The following ACRBP variants were observed in gnomAD, a reference collection of about 807,000 sequenced individuals.
ACRBP encodes the protein acrosin-binding protein.
ACRBP carries 52 observed loss-of-function variants against 69.0 expected under a neutral mutation model. That is an observed-to-expected ratio of 0.75 (90% confidence interval 0.60 to 0.95). The LOEUF is 0.95. Among genes scored for constraint, ACRBP ranks in the 40% least tolerant of loss-of-function variants. The probability of loss-of-function intolerance (pLI) is 0.00; values close to 1 mark genes in which losing one functional copy is unlikely to be tolerated. For missense variants in ACRBP, 604 were observed against 673.0 expected (o/e 0.90, Z 1.13); for synonymous variants, 267 against 258.9 (o/e 1.03, Z -0.30).
At chr12:6,647,249 C>G in intron 1 of ACRBP, 75 bp downstream of exon 1, 7 of 1,487,152 alleles carry the variant, frequency 4.7e-6, no homozygotes, top group Non-Finnish European at 6.3e-6. Context: ...GATCCAGAAA[C>G]CGTAAAAGCA....
At position 6,643,675 on chromosome 12, in the gene ACRBP, C is replaced by G. The variant is rs1565392364; in HGVS notation, c.945-4G>C. 2 of 1,613,672 alleles carry G rather than the reference C, an allele frequency of 1.2e-6. No homozygotes were observed. The highest frequency in any genetic ancestry group is 2.2e-5 in the South Asian group (2 of 91,074). On this transcript the variant is annotated splice_polypyrimidine_tract_variant and splice_region_variant and intron_variant, in intron 5 of 9. Transcript: ENST00000229243. ...TGTGTGGGGCAGCTGCAGGAGGCTGCAAGAAGACAGCACTGAGGGTGGGGC... is the reference window on the plus strand; with the variant it reads ...TGTGTGGGGCAGCTGCAGGAGGCTGGAAGAAGACAGCACTGAGGGTGGGGC...
At position 6,644,558 on chromosome 12, in the gene ACRBP, T is replaced by C. The variant is rs1179936782; in HGVS notation, c.523A>G (p.Asn175Asp). Reference sequence around the variant, plus strand: ...GAGGATTGTAGGAGCTCTTCCACGTTGTTGCTGAGCCTCTCAGGCCAGGGC... The same window carrying C: ...GAGGATTGTAGGAGCTCTTCCACGTCGTTGCTGAGCCTCTCAGGCCAGGGC... ...FQPWPERLSNNVEELLQSSLS... is the reference protein window; with the variant it reads ...FQPWPERLSNDVEELLQSSLS... The change falls in exon 5 of 10, where the codon AAC becomes GAC. Residue 175 changes from asparagine (N) to aspartate (D), a missense_variant. Asn to Asp is a conservative substitution (Grantham distance 23, BLOSUM62 1). Coordinates refer to ENST00000229243, the MANE Select transcript of ACRBP (RefSeq NM_032489.3). 1 of 1,613,862 alleles carries C rather than the reference T, an allele frequency of 6.2e-7. No homozygotes were observed. Among genetic ancestry groups the C allele is most frequent in the African/African-American group, 1.3e-5 (1 of 74,870 alleles).
intron 6 of ACRBP, among the ~76,000 whole-genome samples, chr12:6,641,338 A>G (rs573438659): frequency 6.6e-6 from 1 of 152,338 alleles, no homozygotes; most frequent in South Asian, 2.1e-4. Context: ...AGCCTGTCAC[A>G]GTGCATGCAA....
At chr12:6,645,882 G>A (rs1475586338) in intron 3 of ACRBP, among the ~76,000 whole-genome samples, 5 of 151,794 alleles carry the variant, frequency 3.3e-5, no homozygotes, top group East Asian at 3.9e-4. Flanking sequence ...GGATGGTCTC[G>A]ATCTCCTGAC....
At chr12:6,639,104 A>C (rs1255694354) in intron 8 of ACRBP, 67 bp from the exon 9 acceptor site, 2 of 1,439,302 alleles carry the variant, frequency 1.4e-6, no homozygotes, top group Non-Finnish European at 2.0e-6. Context: ...CACTCCAGGG[A>C]ATATCTGCTA....
At position 6,645,239 on chromosome 12, in the gene ACRBP, G is replaced by A; in HGVS notation, c.456C>T (p.Pro152=). 1 of 1,613,298 alleles carries A rather than the reference G, an allele frequency of 6.2e-7. No individual in the cohort carries two copies. The highest frequency in any genetic ancestry group is 8.5e-7 in the Non-Finnish European group (1 of 1,179,530). ...AEVSPTTMTS[P]ISPHFTVTER... The stretch of plus-strand genomic sequence containing the variant: ...TCTCACCTGTGAAGTGGGGTGAGAT[G>A]GGGGAGGTCATCGTGGTGGGTGAGA... The change falls in exon 4 of 10, where the codon CCC becomes CCT. Residue 152 remains proline (P), a synonymous_variant. Transcript: ENST00000229243.
intron 2 of ACRBP, 24 bp downstream of exon 2, chr12:6,646,770 T>C (rs1270554670): frequency 2.5e-6 from 4 of 1,612,726 alleles, no homozygotes; most frequent in Admixed American, 1.7e-5. Flanking sequence ...GGTGCCTCGG[T>C]TTCCCCCCTA....
At position 6,644,201 on chromosome 12, in the gene ACRBP, C is replaced by T; in HGVS notation, c.880G>A (p.Glu294Lys). The T allele has an allele frequency of 6.2e-7, 1 of 1,613,448 alleles. No homozygotes were observed. Reference protein sequence around the residue: ...NIQELIRSAQEIDEMNEIYDE... With the variant: ...NIQELIRSAQKIDEMNEIYDE... The stretch of plus-strand genomic sequence containing the variant: ...TATATTTCATTCATTTCATCTATTT[C>T]CTGGGCTGATCGAATGAGCTCCTGG... The change falls in exon 5 of 10, where the codon GAA becomes AAA. Residue 294 changes from glutamate (E) to lysine (K), a missense_variant. Around this residue, in one of 3 missense-constraint regions of ACRBP, gnomAD observed 532 missense variants for 562.9 expected, o/e 0.95. Transcript: ENST00000229243.
At position 6,646,513 on chromosome 12, in the gene ACRBP, G is replaced by A. The variant is rs1405670172; in HGVS notation, c.327C>T (p.Tyr109=). Residue 109 remains tyrosine (Y), a synonymous_variant, in exon 3 of 10, where the codon TAC becomes TAT. Coordinates refer to ENST00000229243, the MANE Select transcript of ACRBP (RefSeq NM_032489.3). ...CATAGTAGACGTGGTTGGAGCAACG[G>A]TAGTGAGTGAACTGGCAGAAAGACT... The part of the protein sequence containing the change: ...WFESFCQFTH[Y]RCSNHVYYAK... 1.2e-6 allele frequency: 2 copies of A among 1,614,116 alleles called. No individual in the cohort carries two copies. Among genetic ancestry groups the A allele is most frequent in the East Asian group, 2.2e-5 (1 of 44,868 alleles).
chr12:6,640,960 A>G lies in ACRBP; in HGVS notation c.1078-438T>C, dbSNP rs1362561725. Reference sequence around the variant, plus strand: ...TACAAAGAGGTGACCCAGTGCCAGCACTATGGCTACACATGCTCTCATTTC... The same window carrying G: ...TACAAAGAGGTGACCCAGTGCCAGCGCTATGGCTACACATGCTCTCATTTC... On this transcript the variant is annotated intron_variant, in intron 6 of 9. Coordinates refer to ENST00000229243, the MANE Select transcript of ACRBP (RefSeq NM_032489.3). This position sits in a 1 kb window ranked among gnomAD's most constrained non-coding sequence, Gnocchi z 5.3. Among the ~76,000 whole-genome samples, 1 of 152,254 alleles carries G rather than the reference A, an allele frequency of 6.6e-6. No homozygotes were observed. Among genetic ancestry groups the G allele is most frequent in the Admixed American group, 6.5e-5 (1 of 15,284 alleles).
intron 3 of ACRBP, among the ~76,000 whole-genome samples, chr12:6,645,666 G>GGTT (rs111812802): frequency 7.0e-6 from 1 of 142,742 alleles, no homozygotes; most frequent in Non-Finnish European, 1.5e-5. Context: ...TGTTTTTTTT[G>GGTT]TTTTTTTTTT....
At position 6,643,540 on chromosome 12, in the gene ACRBP, G is replaced by A. The variant is rs1297808810; in HGVS notation, c.1076C>T (p.Ser359Leu). Residue 359 changes from serine (S) to leucine (L), a missense_variant and splice_region_variant, in exon 6 of 10, where the codon TCG (serine) becomes TTG (leucine). This residue lies in a region of ACRBP where 532 missense variants were observed against 562.9 expected (regional missense o/e 0.95). Transcript: ENST00000229243. ...MEEEILGFGK[S>L]VCDSLGRRHM... ...CATTAGACAGTATGGCTGGCATACC[G>A]ACTTCCCGAAACCAAGGATCTCCTC... 7 of 1,614,116 alleles carry A rather than the reference G, an allele frequency of 4.3e-6. No individual in the cohort carries two copies. The highest frequency in any genetic ancestry group is 3.3e-5 in the South Asian group (3 of 91,050).
At chr12:6,643,811 G>T in intron 5 of ACRBP, 140 bp from the exon 6 acceptor site, 1 of 1,236,426 alleles carries the variant, frequency 8.1e-7, no homozygotes, top group Non-Finnish European at 1.1e-6. Flanking sequence ...AGAGGCCTCT[G>T]GACAAATCGC....
intron 3 of ACRBP, among the ~76,000 whole-genome samples, chr12:6,645,657 G>GTTT (rs1453217673): frequency 8.5e-4 from 22 of 25,958 alleles, no homozygotes; most frequent in South Asian, 7.8e-3. Context: ...TTTTGGGTTT[G>GTTT]TTTTTTTTGT....
At chr12:6,647,292 A>G in intron 1 of ACRBP, 32 bp downstream of exon 1, 1 of 1,541,704 alleles carries the variant, frequency 6.5e-7, no homozygotes, top group Non-Finnish European at 8.7e-7. Flanking sequence ...TAGCCCGGGG[A>G]GAGTCTGTTG....
chr12:6,646,361 G>A (rs1949088905), intron 3 of ACRBP, 122 bp downstream of exon 3: 1 of 842,574 alleles, frequency 1.2e-6, no homozygotes, highest in Non-Finnish European at 2.0e-6. Context: ...TAAATGACTG[G>A]CAAAATGGCA....
Position 6,640,412 on chromosome 12 carries a change from G to T in ACRBP, c.1188C>A (p.Cys396Ter). The T allele has an allele frequency of 1.2e-6, 2 of 1,614,162 alleles. No homozygotes were observed. The highest frequency in any genetic ancestry group is 2.2e-5 in the South Asian group (2 of 91,080). Residue 396 changes from cysteine to a stop codon, truncating the protein, a stop_gained, in exon 7 of 10, where the codon TGC (cysteine) becomes TGA (stop). Coordinates refer to ENST00000229243, the MANE Select transcript of ACRBP (RefSeq NM_032489.3). LOFTEE classifies it high-confidence loss of function. This position sits in a 1 kb window ranked among gnomAD's most constrained non-coding sequence, Gnocchi z 5.3. The stretch of plus-strand genomic sequence containing the variant: ...CAAAGGGAGTCTTGTGGGAGGTGTC[G>T]CATTGTTGCCGCTGCAGGCTGGCCT... ...HSEASLQRQQ[C>*]DTSHKTPFVS... is the part of the protein sequence containing the mutation.
At chr12:6,639,284 G>T (rs1949034229) in intron 8 of ACRBP, among the ~76,000 whole-genome samples, 1 of 152,246 alleles carries the variant, frequency 6.6e-6, no homozygotes, top group African/African-American at 2.4e-5. Flanking sequence ...TGGGAAAGTG[G>T]CTGAGGAAGC....
chr12:6,647,045 C>T (rs372340220), intron 1 of ACRBP, 33 bp from the exon 2 acceptor site: 10 of 1,588,874 alleles, frequency 6.3e-6, no homozygotes, highest in Non-Finnish European at 8.6e-7. Context: ...ATGGAAGGAC[C>T]GAACCCCAAA....
Sources: allele counts gnomAD v4.1 joint callset (sites outside exome capture counted in the v4.1 genomes callset), GRCh38; gene constraint gnomAD v4.1.1; regional missense constraint gnomAD v4.1.1; non-coding constraint Gnocchi (gnomAD v3.1); transcripts MANE v1.5; gene names NCBI Gene and HGNC (gene_info 2026-07-23, HGNC 2026-07-21).